The following NXPE2 variants were observed in gnomAD, a reference collection of about 807,000 sequenced individuals.
NXPE2 encodes the protein neurexophilin and PC-esterase domain family member 2.
Under a neutral mutation model 34.4 loss-of-function variants are expected in NXPE2, and 34 were observed. The observed-to-expected ratio is 0.99, with a 90% CI of 0.75 to 1.31. The LOEUF (loss-of-function observed/expected upper bound fraction) is 1.31, where lower values mean the gene tolerates loss of function less well. NXPE2 is among the 40% of genes most tolerant of loss of function. The probability of loss-of-function intolerance (pLI) is 0.00; values close to 1 mark genes in which losing one functional copy is unlikely to be tolerated. For synonymous variants in NXPE2, 235 were observed against 231.3 expected (o/e 1.02, Z -0.15); for missense variants, 649 against 672.5 (o/e 0.97, Z 0.39).
the NXPE2 span, among the ~76,000 whole-genome samples, chr11:114,471,828 A>G: frequency 8.5e-5 from 13 of 152,202 alleles, no homozygotes; most frequent in Non-Finnish European, 8.8e-5. Flanking sequence ...GATGCCTTTG[A>G]GGAAATGTAA....
the NXPE2 span, chr11:114,512,850 G>T: frequency 6.0e-3 from 1,321 of 218,422 alleles, 27 homozygotes; most frequent in Admixed American, 0.029. Flanking sequence ...AGGCTTCTTG[G>T]GTATGCAGGT....
the NXPE2 span, among the ~76,000 whole-genome samples, chr11:114,507,165 T>G: frequency 2.7e-5 from 4 of 147,042 alleles, no homozygotes; most frequent in African/African-American, 1.0e-4. Flanking sequence ...CTCCCAAGAC[T>G]GAACCAGGAA....
chr11:114,630,689 A>C, the NXPE2 span, among the ~76,000 whole-genome samples: 735 of 151,258 alleles, frequency 4.9e-3, 18 homozygotes, highest in African/African-American at 0.017. Flanking sequence ...TAATTAAACT[A>C]AAGAGCTTCT....
At chr11:114,626,594 A>C in the NXPE2 span, among the ~76,000 whole-genome samples, 1 of 152,190 alleles carries the variant, frequency 6.6e-6, no homozygotes, top group Non-Finnish European at 1.5e-5. Context: ...GAAAAACGGG[A>C]AACTCTAAAA....
At chr11:114,466,611 A>C in the NXPE2 span, among the ~76,000 whole-genome samples, 1 of 152,074 alleles carries the variant, frequency 6.6e-6, no homozygotes, top group African/African-American at 2.4e-5. Flanking sequence ...GTCCTTTACT[A>C]ATTTTCTATT....
At position 114,698,377 on chromosome 11, in the gene NXPE2, C is replaced by G; in HGVS notation, c.465C>G (p.Tyr155Ter). ...YGGDFLRARM[Y>*]STALMAGASG... is the part of the protein sequence containing the mutation. ...GGGATTTCCTGAGGGCCAGGATGTA[C>G]TCCACAGCACTAATGGCAGGTGCTT... Residue 155 changes from tyrosine (Y) to a stop codon, truncating the protein, a stop_gained, in exon 3 of 6, where the codon TAC becomes TAG. Transcript: ENST00000389586. LOFTEE classifies it high-confidence loss of function. 6.2e-7 allele frequency: 1 copy of G among 1,614,004 alleles called. No homozygotes were observed.
the NXPE2 span, among the ~76,000 whole-genome samples, chr11:114,667,599 C>T: frequency 0.01 from 1,557 of 152,258 alleles, 13 homozygotes; most frequent in Non-Finnish European, 0.018. Context: ...TTCCTCCTTG[C>T]TTTCTCTCTT....
At chr11:114,615,236 C>A in the NXPE2 span, among the ~76,000 whole-genome samples, 1 of 151,830 alleles carries the variant, frequency 6.6e-6, no homozygotes, top group Non-Finnish European at 1.5e-5. Context: ...TCTTGGGTAA[C>A]CACTGTTACC....
the NXPE2 span, chr11:114,570,732 A>C: frequency 2.1e-6 from 1 of 467,272 alleles, no homozygotes; most frequent in Non-Finnish European, 3.7e-6. Context: ...GGCTCTTTTC[A>C]TGAGTATTTT....
the NXPE2 span, chr11:114,522,496 C>T: frequency 1.6e-5 from 25 of 1,587,142 alleles, no homozygotes; most frequent in East Asian, 5.2e-4. Flanking sequence ...GATCAAAAAA[C>T]TTCAGTGCTG....
At chr11:114,699,498 C>T (rs1364482799) in intron 3 of NXPE2, among the ~76,000 whole-genome samples, 1 of 152,172 alleles carries the variant, frequency 6.6e-6, no homozygotes, top group Non-Finnish European at 1.5e-5. Context: ...TTGGCAGCCT[C>T]TTGTCTCACC....
At chr11:114,697,606 A>G (rs1432209844) in intron 2 of NXPE2, among the ~76,000 whole-genome samples, 1 of 152,226 alleles carries the variant, frequency 6.6e-6, no homozygotes. Context: ...ATTGACATTC[A>G]TAAAACACTT....
At chr11:114,692,249 C>G (rs1951167694) in intron 2 of NXPE2, among the ~76,000 whole-genome samples, 1 of 152,230 alleles carries the variant, frequency 6.6e-6, no homozygotes, top group Admixed American at 6.5e-5. Flanking sequence ...GGGTCCCTCT[C>G]AGGCAAGTAG....
chr11:114,651,165 C>A, the NXPE2 span, among the ~76,000 whole-genome samples: 1 of 152,100 alleles, frequency 6.6e-6, no homozygotes, highest in South Asian at 2.1e-4. Context: ...TCGCTTACTT[C>A]AAGAATGAAG....
chr11:114,671,088 A>T, the NXPE2 span, among the ~76,000 whole-genome samples: 2 of 147,666 alleles, frequency 1.4e-5, no homozygotes, highest in Admixed American at 1.4e-4. Flanking sequence ...TATATATATA[A>T]ATATATATAA....
the NXPE2 span, among the ~76,000 whole-genome samples, chr11:114,543,492 G>C: frequency 1.3e-5 from 2 of 150,696 alleles, no homozygotes; most frequent in African/African-American, 2.5e-5. Flanking sequence ...CTGCACTCCA[G>C]CCTGGGGTAC....
At chr11:114,809,002 A>G in the NXPE2 span, among the ~76,000 whole-genome samples, 1 of 152,194 alleles carries the variant, frequency 6.6e-6, no homozygotes, top group Non-Finnish European at 1.5e-5. Flanking sequence ...ACCATGATCA[A>G]GTGGGCTTCA....
At chr11:114,760,975 T>A in the NXPE2 span, among the ~76,000 whole-genome samples, 3 of 152,216 alleles carry the variant, frequency 2.0e-5, no homozygotes, top group Non-Finnish European at 2.9e-5. Context: ...ATTATGAAGA[T>A]GTGTTTTGTT....
chr11:114,637,891 T>G, the NXPE2 span, among the ~76,000 whole-genome samples: 2 of 152,046 alleles, frequency 1.3e-5, no homozygotes, highest in Non-Finnish European at 2.9e-5. Flanking sequence ...CTGGCTGCCC[T>G]TAACATTTTT....
Sources: allele counts gnomAD v4.1 joint callset (sites outside exome capture counted in the v4.1 genomes callset), GRCh38; gene constraint gnomAD v4.1.1; transcripts MANE v1.5; gene names NCBI Gene and HGNC (gene_info 2026-07-23, HGNC 2026-07-21).